ALG9: variants seen among roughly 807,000 people sequenced by gnomAD.
ALG9 encodes the protein ALG9 alpha-1,2-mannosyltransferase, also known as alpha-1,2-mannosyltransferase ALG9.
Under a neutral mutation model 81.8 loss-of-function variants are expected in ALG9, and 55 were observed. The ratio of observed to expected loss-of-function variants is 0.67; its 90% CI spans 0.54 to 0.84. The LOEUF is 0.84. ALG9 is among the 40% of genes least tolerant of loss of function. The pLI is 0.00. For synonymous variants in ALG9, 278 were observed against 274.3 expected (o/e 1.01, Z -0.13); for missense variants, 629 against 745.0 (o/e 0.84, Z 1.81).
the ALG9 span, chr11:111,768,856 T>TGTGTGTGTGTGTGC: frequency 6.6e-6 from 1 of 152,352 alleles, no homozygotes; most frequent in African/African-American, 2.4e-5. Flanking sequence ...TGTGTGTGTG[T>TGTGTGTGTGTGTGC]GTGTGTGTGT....
intron 1 of ALG9, chr11:111,871,121 G>C (rs1015220557): frequency 5.6e-6 from 7 of 1,252,998 alleles, no homozygotes; most frequent in African/African-American, 4.7e-5. Flanking sequence ...GAGCATCACA[G>C]ATCCGCACTC....
downstream of ALG9, chr11:111,778,386 C>A (rs782464298): frequency 6.6e-6 from 1 of 152,316 alleles, no homozygotes; most frequent in South Asian, 2.1e-4. Flanking sequence ...ATGAGAGGAT[C>A]AATGGGAAGA....
At chr11:111,824,693 T>C (rs12294253) in intron 13 of ALG9, among the ~76,000 whole-genome samples, 5,628 of 152,334 alleles carry the variant, frequency 0.037, 358 homozygotes, top group African/African-American at 0.13. Flanking sequence ...GTTCCTGCTA[T>C]ATACTTTACA....
At chr11:111,855,649 G>A (rs1316236805) in intron 6 of ALG9, among the ~76,000 whole-genome samples, 7 of 152,176 alleles carry the variant, frequency 4.6e-5, no homozygotes, top group Non-Finnish European at 1.0e-4. Context: ...AACAGCTATG[G>A]AGAGAAGATA....
At chr11:111,838,084 A>G (rs952083689) in intron 11 of ALG9, among the ~76,000 whole-genome samples, 165 bp downstream of exon 11, 12 of 152,262 alleles carry the variant, frequency 7.9e-5, no homozygotes, top group Admixed American at 7.2e-4. Flanking sequence ...TTCAATCCTA[A>G]GATACAGAAG....
intron 13 of ALG9, among the ~76,000 whole-genome samples, chr11:111,821,327 T>C (rs1281946228): frequency 6.6e-6 from 1 of 152,056 alleles, no homozygotes; most frequent in Non-Finnish European, 1.5e-5. Context: ...CAGTCAAACA[T>C]CCTACTTGGC....
chr11:111,851,158 C>A (rs910614705), intron 8 of ALG9, among the ~76,000 whole-genome samples: 3 of 152,252 alleles, frequency 2.0e-5, no homozygotes, highest in African/African-American at 7.2e-5. Flanking sequence ...TTCCTACTTT[C>A]CCTACCACCC....
chr11:111,845,618 A>ACCCCC (rs1191305062), intron 8 of ALG9, among the ~76,000 whole-genome samples: 1 of 151,942 alleles, frequency 6.6e-6, no homozygotes, highest in Non-Finnish European at 1.5e-5. Context: ...TGAGAAACAG[A>ACCCCC]CCCCCTCTGC....
chr11:111,832,482 T>C (rs1954547798), intron 13 of ALG9, among the ~76,000 whole-genome samples: 1 of 152,048 alleles, frequency 6.6e-6, no homozygotes, highest in Non-Finnish European at 1.5e-5. Flanking sequence ...TCTCGCTATG[T>C]TGTCTCAAAC....
At chr11:111,794,060 T>A (rs1328314817) in intron 14 of ALG9, among the ~76,000 whole-genome samples, 3 of 152,214 alleles carry the variant, frequency 2.0e-5, no homozygotes, top group Non-Finnish European at 4.4e-5. Context: ...GGCAAAGCAA[T>A]TGCCTGCACA....
chr11:111,841,830 T>C (rs1311262505), intron 9 of ALG9, among the ~76,000 whole-genome samples: 5 of 152,214 alleles, frequency 3.3e-5, no homozygotes, highest in African/African-American at 9.7e-5. Context: ...CTCTAAGACA[T>C]TATGGGATTT....
At chr11:111,793,344 C>T (rs1308191734) in intron 14 of ALG9, among the ~76,000 whole-genome samples, 1 of 152,202 alleles carries the variant, frequency 6.6e-6, no homozygotes, top group Admixed American at 6.5e-5. Context: ...AACATTCCAG[C>T]TGCTGTTCTA....
At chr11:111,775,907 T>C in the ALG9 span, among the ~76,000 whole-genome samples, 8 of 152,280 alleles carry the variant, frequency 5.3e-5, no homozygotes, top group South Asian at 1.7e-3. Flanking sequence ...TGGGTTTGAA[T>C]TGCAGGTCTA....
At position 111,855,461 on chromosome 11, in the gene ALG9, T is replaced by C. The variant is rs138846831; in HGVS notation, c.702-1725A>G. ...GGAGGAGATCATTTAGGAGGCCGTG[T>C]AGTGATCCAGGAACAAGGGGGAGTG... On this transcript the variant is annotated intron_variant, in intron 6 of 14. Coordinates refer to ENST00000616540, the MANE Select transcript of ALG9 (RefSeq NM_024740.2). Among the ~76,000 whole-genome samples, 5 of 152,274 alleles carry C rather than the reference T, an allele frequency of 3.3e-5. No individual in the cohort carries two copies. The East Asian group carries it at 9.6e-4, about 29-fold the overall frequency.
At chr11:111,820,047 T>C (rs567574669) in intron 13 of ALG9, among the ~76,000 whole-genome samples, 9 of 152,246 alleles carry the variant, frequency 5.9e-5, no homozygotes, top group African/African-American at 2.2e-4. Flanking sequence ...ACAATAAAGA[T>C]CACATCATAT....
chr11:111,792,771 T>C (rs1555071595), intron 14 of ALG9, among the ~76,000 whole-genome samples: 1 of 152,176 alleles, frequency 6.6e-6, no homozygotes, highest in Non-Finnish European at 1.5e-5. Flanking sequence ...CTAAGAAGGA[T>C]CTATTTAACA....
At chr11:111,809,501 C>T in intron 14 of ALG9, 142 bp downstream of exon 14, 1 of 975,934 alleles carries the variant, frequency 1.0e-6, no homozygotes, top group African/African-American at 1.7e-5. Context: ...GCCTGGGCAA[C>T]AGAGTGAGAC....
At chr11:111,769,934 C>G in the ALG9 span, among the ~76,000 whole-genome samples, 19,625 of 152,110 alleles carry the variant, frequency 0.13, 1,651 homozygotes, top group South Asian at 0.3. Context: ...CCATCTCTGT[C>G]TCTGACTCAT....
At chr11:111,772,152 G>C in the ALG9 span, among the ~76,000 whole-genome samples, 2 of 152,236 alleles carry the variant, frequency 1.3e-5, no homozygotes, top group African/African-American at 2.4e-5. Context: ...GCAAGGTGGT[G>C]AGGTGGCTCA....
Sources: allele counts gnomAD v4.1 joint callset (sites outside exome capture counted in the v4.1 genomes callset), GRCh38; gene constraint gnomAD v4.1.1; transcripts MANE v1.5; gene names NCBI Gene and HGNC (gene_info 2026-07-23, HGNC 2026-07-21).